Variants in SIPA1L2 observed in about 807,000 individuals in gnomAD.
SIPA1L2 encodes the protein signal induced proliferation associated 1 like 2.
In SIPA1L2, 56 loss-of-function variants were observed where a neutral mutation model predicts 163.9. That is an observed-to-expected ratio of 0.34 (90% CI 0.28 to 0.43). The LOEUF (loss-of-function observed/expected upper bound fraction) is 0.43. SIPA1L2 is among the 20% of genes least tolerant of loss of function. SIPA1L2 has a pLI of 1.00. For synonymous variants in SIPA1L2, 877 were observed against 865.7 expected, an observed-to-expected ratio of 1.01 and a Z score of -0.23; for missense variants, 1,974 against 2,193.5, an observed-to-expected ratio of 0.90 and a Z score of 2.00.
intron 10 of SIPA1L2, among the ~76,000 whole-genome samples, chr1:232,449,105 GAAC>G (rs1193979061): frequency 6.6e-6 from 1 of 152,068 alleles, no homozygotes; most frequent in Non-Finnish European, 1.5e-5. Flanking sequence ...GAAGCTCATG[GAAC>G]AACTAGATCG....
chr1:232,512,006 C>CA (rs1205757444), intron 3 of SIPA1L2, among the ~76,000 whole-genome samples: 1 of 152,146 alleles, frequency 6.6e-6, no homozygotes, highest in Non-Finnish European at 1.5e-5. Context: ...CCAGAATCTA[C>CA]AAGGAACTGA....
At chr1:232,423,192 G>A (rs1453692201) in intron 18 of SIPA1L2, among the ~76,000 whole-genome samples, 2 of 152,308 alleles carry the variant, frequency 1.3e-5, no homozygotes, top group African/African-American at 4.8e-5. Flanking sequence ...AGTGTGCTGA[G>A]TACGTTTAAG....
At chr1:232,420,187 G>C (rs1032742290) in intron 18 of SIPA1L2, among the ~76,000 whole-genome samples, 1 of 152,144 alleles carries the variant, frequency 6.6e-6, no homozygotes, top group Non-Finnish European at 1.5e-5. Context: ...GCTGGGTGTG[G>C]TGGTACATTC....
intron 1 of SIPA1L2, among the ~76,000 whole-genome samples, chr1:232,607,142 T>C (rs1306336539): frequency 2.0e-5 from 3 of 152,288 alleles, no homozygotes; most frequent in African/African-American, 7.2e-5. Flanking sequence ...ATGTTCATTT[T>C]AGAAAAGCTG....
chr1:232,477,257 A>T (rs187530657), intron 7 of SIPA1L2, among the ~76,000 whole-genome samples: 2 of 152,234 alleles, frequency 1.3e-5, no homozygotes, highest in East Asian at 3.9e-4. Flanking sequence ...TTAGGACTGG[A>T]GACAGGAAAA....
intron 1 of SIPA1L2, among the ~76,000 whole-genome samples, chr1:232,579,884 G>A (rs961254900): frequency 1.3e-5 from 2 of 152,156 alleles, no homozygotes; most frequent in African/African-American, 4.8e-5. Flanking sequence ...GAAAGAATGG[G>A]GGCTTGGAGT....
At position 232,528,969 on chromosome 1, in the gene SIPA1L2, G is replaced by T. The variant is rs576616500; in HGVS notation, c.-269-13361C>A. Among the ~76,000 whole-genome samples, 46 of 152,310 alleles carry T rather than the reference G, an allele frequency of 3.0e-4. No homozygotes were observed. The South Asian group carries it at 9.3e-3, about 31-fold the overall frequency. ...TCACAATCAGAACATGAGATCTTAA[G>T]GGAGATAATCTGTTCTCACACCCCC... On this transcript the variant is annotated intron_variant, in intron 2 of 22. Transcript: ENST00000674635.
Position 232,402,340 on chromosome 1 carries a change from G to A in SIPA1L2, c.5022+52C>T. On this transcript the variant is annotated intron_variant, in intron 22 of 22. Coordinates refer to ENST00000674635, the MANE Select transcript of SIPA1L2 (RefSeq NM_020808.5). The stretch of plus-strand genomic sequence containing the variant: ...TCAATTTATCTGTAGTAGTTATAAG[G>A]GGCTGATTTTATAAGAGAAACAGTT... 2.0e-6 allele frequency: 3 copies of A among 1,533,782 alleles called. No individual in the cohort carries two copies. In the South Asian group the frequency reaches 3.5e-5, roughly 18 times the overall value.
intron 15 of SIPA1L2, among the ~76,000 whole-genome samples, chr1:232,435,347 T>C (rs1662495543): frequency 1.3e-5 from 2 of 152,374 alleles, no homozygotes; most frequent in African/African-American, 2.4e-5. Context: ...TAAAGTTAAC[T>C]TGAAGAACAA....
At chr1:232,510,286 T>C (rs1666922103) in intron 3 of SIPA1L2, among the ~76,000 whole-genome samples, 1 of 152,130 alleles carries the variant, frequency 6.6e-6, no homozygotes, top group Admixed American at 6.6e-5. Context: ...AAGTATACTC[T>C]ATGATGTTCA....
At chr1:232,428,374 T>G in intron 17 of SIPA1L2, 37 bp downstream of exon 17, 3 of 1,295,696 alleles carry the variant, frequency 2.3e-6, no homozygotes, top group Non-Finnish European at 3.0e-6. Context: ...TTTTTTTTAG[T>G]GTTTCTGGTA....
chr1:232,532,543 T>C (rs1326511686), intron 2 of SIPA1L2, among the ~76,000 whole-genome samples: 2 of 152,200 alleles, frequency 1.3e-5, no homozygotes, highest in African/African-American at 4.8e-5. Context: ...TTCAAATCAT[T>C]TGGGCACATA....
chr1:232,621,806 C>T (rs534719338), intron 1 of SIPA1L2, among the ~76,000 whole-genome samples: 3 of 152,018 alleles, frequency 2.0e-5, no homozygotes, highest in East Asian at 3.9e-4. Context: ...ATCAGCCCAC[C>T]GTAACCTCGA....
Position 232,477,754 on chromosome 1 carries a change from C to T in SIPA1L2, c.2085+1873G>A, listed in dbSNP as rs10910538. On this transcript the variant is annotated intron_variant, in intron 7 of 22. Coordinates refer to ENST00000674635, the MANE Select transcript of SIPA1L2 (RefSeq NM_020808.5). ...CTCGAATGCCTACAGATTTTGATTA[C>T]GCTTCAATGAAAGGGGGTGGGAAAG... Among the ~76,000 whole-genome samples the T allele has an allele frequency of 0.037, 5,585 of 152,198 alleles. 955 individuals carry two copies. In the East Asian group the frequency reaches 0.56, roughly 15 times the overall value.
chr1:232,526,512 A>G (rs2103072479), intron 2 of SIPA1L2, among the ~76,000 whole-genome samples: 1 of 152,306 alleles, frequency 6.6e-6, no homozygotes, highest in East Asian at 1.9e-4. Context: ...TTGCACTCCT[A>G]TGAGAATCTA....
intron 1 of SIPA1L2, among the ~76,000 whole-genome samples, chr1:232,590,309 G>C (rs980211724): frequency 6.6e-6 from 1 of 152,176 alleles, no homozygotes; most frequent in Admixed American, 6.5e-5. Context: ...TTCTCTAAAA[G>C]GTGTGTGTCA....
At chr1:232,580,527 C>CA (rs976465861) in intron 1 of SIPA1L2, among the ~76,000 whole-genome samples, 1 of 152,094 alleles carries the variant, frequency 6.6e-6, no homozygotes, top group African/African-American at 2.4e-5. Context: ...GGAGCATGGC[C>CA]AAAAACAGGT....
rs1666036673 is a variant in SIPA1L2, at chr1:232,493,577, C to T, written c.1567G>A (p.Glu523Lys). The T allele has an allele frequency of 6.2e-7, 1 of 1,614,022 alleles. No homozygotes were observed. The highest frequency in any genetic ancestry group is 1.7e-5 in the Admixed American group (1 of 59,996). The part of the protein sequence containing the change: ...IRREKVEDAK[E>K]KEGSQFNYRV... Reference sequence around the variant, plus strand: ...TAGTTGAACTGGGATCCTTCTTTCTCCTTGGCATCTTCCACCTTCTCTCTC... The same window carrying T: ...TAGTTGAACTGGGATCCTTCTTTCTTCTTGGCATCTTCCACCTTCTCTCTC... The change falls in exon 4 of 23, where the codon GAG becomes AAG. Residue 523 changes from glutamate (E) to lysine (K), a missense_variant. Transcript: ENST00000674635.
Position 232,465,541 on chromosome 1 carries a change from TACAC to T in SIPA1L2, c.2244-129_2244-126del, listed in dbSNP as rs201851656. ...ATACACACACACACACACATATACA[TACAC>T]ACATACACACACACTTTCAACTTAA... On this transcript the variant is annotated intron_variant, in intron 8 of 22. Coordinates refer to ENST00000674635, the MANE Select transcript of SIPA1L2 (RefSeq NM_020808.5). This position sits in a 1 kb window ranked among gnomAD's most constrained non-coding sequence, Gnocchi z 4.1. The T allele has an allele frequency of 3.6e-4, 266 of 746,672 alleles. No homozygotes were observed. The highest frequency in any genetic ancestry group is 1.6e-3 in the South Asian group (78 of 49,940). The allele number at this position is 746,672 out of a possible 1,614,324, so 46.3% of individuals were successfully genotyped here.
Sources: allele counts gnomAD v4.1 joint callset (sites outside exome capture counted in the v4.1 genomes callset), GRCh38; gene constraint gnomAD v4.1.1; non-coding constraint Gnocchi (gnomAD v3.1); transcripts MANE v1.5; gene names NCBI Gene and HGNC (gene_info 2026-07-23, HGNC 2026-07-21).